Variants in ITSN1 observed in about 807,000 individuals in gnomAD.
The protein encoded by ITSN1 is intersectin 1.
A neutral mutation model predicts 239.8 loss-of-function variants in ITSN1; 58 were observed. The ratio of observed to expected loss-of-function variants is 0.24; its 90% CI spans 0.20 to 0.30. The LOEUF is 0.30. Among genes scored for constraint, ITSN1 ranks in the 10% least tolerant of loss-of-function variants. ITSN1 has a pLI of 1.00. For synonymous variants in ITSN1, 780 were observed against 770.8 expected (o/e 1.01, Z -0.20); for missense variants, 1,558 against 2,103.3 (o/e 0.74, Z 5.07).
At chr21:33,859,333 T>C (rs563747074) in intron 31 of ITSN1, among the ~76,000 whole-genome samples, 3 of 152,292 alleles carry the variant, frequency 2.0e-5, no homozygotes, top group African/African-American at 7.2e-5. Flanking sequence ...TCAAGAGACC[T>C]GGGTTTGGAT....
chr21:33,673,499 A>G (rs534888675), intron 1 of ITSN1, among the ~76,000 whole-genome samples: 19 of 152,256 alleles, frequency 1.2e-4, no homozygotes, highest in Non-Finnish European at 2.2e-4. Context: ...AAATTATACA[A>G]TAAACAAAGA....
intron 5 of ITSN1, among the ~76,000 whole-genome samples, chr21:33,736,950 A>C (rs1307907998): frequency 6.6e-6 from 1 of 152,224 alleles, no homozygotes; most frequent in Non-Finnish European, 1.5e-5. Context: ...ACACTACTGC[A>C]CCCCAGCCTG....
chr21:33,650,532 C>T (rs924632289), intron 1 of ITSN1, among the ~76,000 whole-genome samples: 1 of 152,156 alleles, frequency 6.6e-6, no homozygotes, highest in African/African-American at 2.4e-5. Context: ...AGTGTGTTAT[C>T]TATAATAGGA....
At chr21:33,760,802 G>A (rs2068262645) in intron 8 of ITSN1, among the ~76,000 whole-genome samples, 1 of 152,160 alleles carries the variant, frequency 6.6e-6, no homozygotes, top group Non-Finnish European at 1.5e-5. Flanking sequence ...AATTGCCACA[G>A]CCTTCCATTC....
intron 1 of ITSN1, among the ~76,000 whole-genome samples, chr21:33,645,923 C>T (rs75595626): frequency 0.05 from 7,655 of 152,190 alleles, 648 homozygotes; most frequent in African/African-American, 0.17. Flanking sequence ...ACTGTGATTG[C>T]GTAATTTTAC....
chr21:33,729,737 T>C (rs539513139), intron 4 of ITSN1, among the ~76,000 whole-genome samples: 2 of 152,254 alleles, frequency 1.3e-5, no homozygotes, highest in East Asian at 3.9e-4. Context: ...AGTTAGGTAA[T>C]AGTAAATCAG....
intron 1 of ITSN1, among the ~76,000 whole-genome samples, chr21:33,682,518 C>T (rs2091023179): frequency 1.3e-5 from 2 of 151,236 alleles, no homozygotes; most frequent in South Asian, 4.2e-4. Flanking sequence ...TGCCCAGCCT[C>T]TTTCTTTTCT....
intron 5 of ITSN1, among the ~76,000 whole-genome samples, chr21:33,748,172 G>A (rs1291940279): frequency 6.6e-6 from 1 of 152,130 alleles, no homozygotes; most frequent in African/African-American, 2.4e-5. Flanking sequence ...CAACCACATA[G>A]AAAATTACTT....
In ITSN1 at chr21:33,813,894, G is replaced by A; in HGVS notation, c.2568-19G>A. On this transcript the variant is annotated intron_variant, in intron 21 of 39. Coordinates refer to ENST00000381318, the MANE Select transcript of ITSN1 (RefSeq NM_003024.3). ...TTAGGGAGTGCTTGTTATTCATGGT[G>A]TTGTGCTTTTCCCTCCAGGTGGCCC... The A allele has an allele frequency of 1.2e-6, 2 of 1,610,414 alleles. No homozygotes were observed. Among genetic ancestry groups the A allele is most frequent in the South Asian group, 1.1e-5 (1 of 90,868 alleles).
chr21:33,705,678 C>T, intron 1 of ITSN1, among the ~76,000 whole-genome samples: 1 of 152,164 alleles, frequency 6.6e-6, no homozygotes. Flanking sequence ...AGGCGTGAGC[C>T]ACTGCACCTG....
chr21:33,834,296 T>C lies in ITSN1; in HGVS notation c.3352-11T>C. On this transcript the variant is annotated splice_polypyrimidine_tract_variant and intron_variant, in intron 27 of 39. Transcript: ENST00000381318. Reference sequence around the variant, plus strand: ...CTTTAAAAATGTTTGATGTAATTATTTTCTTACTAGGCACGTGGGAAAAAG... The same window carrying C: ...CTTTAAAAATGTTTGATGTAATTATCTTCTTACTAGGCACGTGGGAAAAAG... The C allele has an allele frequency of 6.2e-7, 1 of 1,602,248 alleles. No individual in the cohort carries two copies. Among genetic ancestry groups the C allele is most frequent in the Non-Finnish European group, 8.6e-7 (1 of 1,169,448 alleles).
intron 4 of ITSN1, among the ~76,000 whole-genome samples, chr21:33,734,786 T>A (rs1051886802): frequency 1.3e-5 from 2 of 152,222 alleles, no homozygotes; most frequent in Non-Finnish European, 2.9e-5. Flanking sequence ...CCCCTTTTGA[T>A]GTCTAAAGTA....
rs527989127 is a variant in ITSN1, at chr21:33,789,691, C to G, written c.1825-4650C>G. ...TTATATTTCAAGTAATATTGTTTCA[C>G]ATAATACATGTATTTTTGAGTGTCT... On this transcript the variant is annotated intron_variant, in intron 16 of 39. Transcript: ENST00000381318. Among the ~76,000 whole-genome samples the G allele has an allele frequency of 2.0e-3, 307 of 152,262 alleles. 4 individuals carry two copies. The South Asian group carries it at 0.029, about 14-fold the overall frequency.
chr21:33,724,686 G>A (rs912408725), intron 4 of ITSN1, among the ~76,000 whole-genome samples: 2 of 152,296 alleles, frequency 1.3e-5, no homozygotes, highest in South Asian at 4.1e-4. Flanking sequence ...ATATAGCAAT[G>A]AACAAAATAG....
chr21:33,718,246 A>G (rs2147059459), intron 1 of ITSN1, among the ~76,000 whole-genome samples: 1 of 152,328 alleles, frequency 6.6e-6, no homozygotes, highest in Non-Finnish European at 1.5e-5. Context: ...CTCAATGAAA[A>G]GAAGCTTTGA....
chr21:33,762,081 G>A, intron 9 of ITSN1, 95 bp downstream of exon 9: 1 of 860,170 alleles, frequency 1.2e-6, no homozygotes, highest in Non-Finnish European at 2.0e-6. Flanking sequence ...TTTTTTATGG[G>A]GGAATATGTA....
intron 16 of ITSN1, among the ~76,000 whole-genome samples, chr21:33,791,762 A>C (rs1385839189): frequency 2.6e-5 from 4 of 151,998 alleles, no homozygotes; most frequent in Non-Finnish European, 4.4e-5. Flanking sequence ...ATGTTGATAC[A>C]TCATGGCCAG....
chr21:33,652,382 A>C (rs890443299), intron 1 of ITSN1, among the ~76,000 whole-genome samples: 2 of 152,172 alleles, frequency 1.3e-5, no homozygotes, highest in Non-Finnish European at 2.9e-5. Context: ...GGCTGGATTC[A>C]GTCTTCGTTG....
intron 5 of ITSN1, chr21:33,735,480 G>GT: frequency 5.6e-6 from 2 of 357,504 alleles, no homozygotes; most frequent in South Asian, 4.1e-5. Context: ...GCAGCTTCTG[G>GT]GTTTTTTTTT....
Sources: gnomAD v4.1 joint callset for allele counts (sites outside exome capture counted in the v4.1 genomes callset) on GRCh38, gnomAD v4.1.1 for gene constraint, MANE v1.5 for transcripts, NCBI Gene and HGNC (gene_info 2026-07-23, HGNC 2026-07-21) for gene names.